The following BBC3 variants were observed in gnomAD, a reference collection of about 807,000 sequenced individuals.
BBC3 encodes bcl-2-binding component 3.
Under a neutral mutation model 18.2 loss-of-function variants are expected in BBC3, and 5 were observed. That is an observed-to-expected ratio of 0.27 (90% CI 0.14 to 0.58). The LOEUF is 0.58. BBC3 is among the 20% of genes least tolerant of loss of function. BBC3 has a pLI of 0.91. For missense variants in BBC3, 224 were observed against 268.9 expected (o/e 0.83, Z 1.17); for synonymous variants, 119 against 128.0 (o/e 0.93, Z 0.47).
intron 3 of BBC3, among the ~76,000 whole-genome samples, chr19:47,224,132 TAAAAATAC>T (rs927839926): frequency 1.2e-3 from 184 of 152,000 alleles, no homozygotes; most frequent in African/African-American, 4.3e-3. Context: ...CCGTCTCTAC[TAAAAATAC>T]AAAAATTAGC....
Position 47,230,845 on chromosome 19 carries a change from G to T in BBC3, c.-16+84C>A, listed in dbSNP as rs1368445074. 6.1e-6 allele frequency: 6 copies of T among 983,720 alleles called. No individual in the cohort carries two copies. The highest frequency in any genetic ancestry group is 1.7e-5 in the African/African-American group (1 of 57,170). 60.9% of individuals were successfully genotyped at this position (983,720 alleles called of 1,614,324 possible). On this transcript the variant is annotated intron_variant, in intron 1 of 3. Transcript: ENST00000439096. This position sits in a 1 kb window ranked among gnomAD's most constrained non-coding sequence, Gnocchi z 6.7. ...AGGCAGGGCGCCCACACTGCTCTCC[G>T]CCTGCACTCCTGTCACCTCCTCCAG...
chr19:47,223,515 C>T (rs944159697), intron 3 of BBC3, among the ~76,000 whole-genome samples: 1 of 151,900 alleles, frequency 6.6e-6, no homozygotes. Context: ...TGCAGTGAGC[C>T]GAGATTGCAC....
chr19:47,226,187 C>T (rs1284167270), intron 3 of BBC3, among the ~76,000 whole-genome samples: 1 of 151,530 alleles, frequency 6.6e-6, no homozygotes, highest in Non-Finnish European at 1.5e-5. Flanking sequence ...GCGAGAGGGA[C>T]GGCAGGGGGC....
In BBC3 at chr19:47,228,212, C is replaced by G. The variant is rs2058862449; in HGVS notation, c.220G>C (p.Gly74Arg). 1 of 1,223,654 alleles carries G rather than the reference C, an allele frequency of 8.2e-7. No individual in the cohort carries two copies. The highest frequency in any genetic ancestry group is 1.6e-5 in the African/African-American group (1 of 63,936). 75.8% of individuals were successfully genotyped at this position (1,223,654 alleles called of 1,614,324 possible). ...APPAVTAALG[G>R]SRWPGGPRSR... is the part of the protein sequence containing the mutation. Reference sequence around the variant, plus strand: ...CGGGGACCCCCAGGCCAGCGGGAACCCCCCAGGGCGGCGGTGACGGCGGGT... The same window carrying G: ...CGGGGACCCCCAGGCCAGCGGGAACGCCCCAGGGCGGCGGTGACGGCGGGT... The change falls in exon 2 of 4, where the codon GGT becomes CGT. Residue 74 changes from glycine to arginine, a missense_variant. Transcript: ENST00000439096. The surrounding 1 kb of genome is among the most constrained non-coding windows in gnomAD (Gnocchi z 5.5).
chr19:47,221,325 C>G lies in BBC3; in HGVS notation c.*477G>C. 5.1e-6 allele frequency: 1 copy of G among 194,196 alleles called. No individual in the cohort carries two copies. The highest frequency in any genetic ancestry group is 9.1e-5 in the South Asian group (1 of 11,026). 12.0% of individuals were successfully genotyped at this position (194,196 alleles called of 1,614,324 possible). A position where few individuals can be genotyped will look rare whatever the true frequency, so the allele number is the denominator to read the frequency against. ...TCTGGCTCCAGGAGGCTAGTGGTCA[C>G]GTTTGGCTCATTTGCTCTTCACGGG... On this transcript the variant is annotated 3_prime_UTR_variant, in exon 4 of 4. Coordinates refer to ENST00000439096, the MANE Select transcript of BBC3 (RefSeq NM_014417.5).
At chr19:47,231,256 G>T (rs1052811332), upstream of BBC3, 28 of 648,616 alleles carry the variant, frequency 4.3e-5, no homozygotes, top group African/African-American at 4.8e-4. This position sits in a 1 kb window ranked among gnomAD's most constrained non-coding sequence, Gnocchi z 4.0. Flanking sequence ...GCCCCGCCCC[G>T]CCCCCGCCCG....
upstream of BBC3, among the ~76,000 whole-genome samples, chr19:47,231,991 C>A (rs537905850): frequency 3.1e-3 from 477 of 152,318 alleles, 2 homozygotes; most frequent in African/African-American, 0.011. This position sits in a 1 kb window ranked among gnomAD's most constrained non-coding sequence, Gnocchi z 4.0. Flanking sequence ...AAATCCAAAT[C>A]ACACTCCCAC....
rs561085568 is a variant in BBC3, at chr19:47,225,307, C to G, written c.465+1257G>C. On this transcript the variant is annotated intron_variant, in intron 3 of 3. Coordinates refer to ENST00000439096, the MANE Select transcript of BBC3 (RefSeq NM_014417.5). The stretch of plus-strand genomic sequence containing the variant: ...AAGTGAGCCACTTGCCTCCGCCTCC[C>G]AAAGGGCTGGGATTACAGGCGTGGG... Among the ~76,000 whole-genome samples the G allele has an allele frequency of 1.1e-4, 16 of 152,280 alleles. 1 individual carries two copies. The highest frequency in any genetic ancestry group is 3.6e-4 in the African/African-American group (15 of 41,562).
At chr19:47,232,669 G>T, upstream of BBC3, 8 of 1,412,354 alleles carry the variant, frequency 5.7e-6, no homozygotes, top group South Asian at 9.3e-5. Context: ...CCCTGCTCTG[G>T]TTTGGTGAGT....
At chr19:47,229,194 C>T (rs2058879092) in intron 1 of BBC3, among the ~76,000 whole-genome samples, 1 of 151,994 alleles carries the variant, frequency 6.6e-6, no homozygotes, top group African/African-American at 2.4e-5. Context: ...CACACACAAG[C>T]TAGGCACTGC....
upstream of BBC3, chr19:47,231,265 C>CCCCCG: frequency 6.5e-6 from 6 of 920,382 alleles, no homozygotes; most frequent in Non-Finnish European, 6.5e-6. The surrounding 1 kb of genome is among the most constrained non-coding windows in gnomAD (Gnocchi z 4.0). Context: ...CGCCCCCGCC[C>CCCCCG]GGCGGGTCCC....
intron 3 of BBC3, among the ~76,000 whole-genome samples, chr19:47,225,769 G>A (rs2058808581): frequency 6.6e-6 from 1 of 152,154 alleles, no homozygotes; most frequent in Non-Finnish European, 1.5e-5. Context: ...GCTAAGCTAA[G>A]AATGCTCCAT....
upstream of BBC3, chr19:47,232,729 T>C: frequency 1.2e-6 from 1 of 824,710 alleles, no homozygotes; most frequent in Non-Finnish European, 1.9e-6. Flanking sequence ...CTCTACACTT[T>C]CCATCCTTAC....
At chr19:47,229,313 C>T (rs1019603194) in intron 1 of BBC3, among the ~76,000 whole-genome samples, 2 of 151,316 alleles carry the variant, frequency 1.3e-5, no homozygotes, top group African/African-American at 4.8e-5. Flanking sequence ...CACGGACACA[C>T]ATACATCAAC....
Position 47,230,831 on chromosome 19 carries a change from C to T in BBC3, c.-16+98G>A, listed in dbSNP as rs1459023171. 53 of 984,872 alleles carry T rather than the reference C, an allele frequency of 5.4e-5. No individual in the cohort carries two copies. The highest frequency in any genetic ancestry group is 6.0e-5 in the Non-Finnish European group (50 of 829,694). The allele number at this position is 984,872 out of a possible 1,614,324, so 61.0% of individuals were successfully genotyped here. A position where few individuals can be genotyped will look rare whatever the true frequency, so the allele number is the denominator to read the frequency against. On this transcript the variant is annotated intron_variant, in intron 1 of 3. Coordinates refer to ENST00000439096, the MANE Select transcript of BBC3 (RefSeq NM_014417.5). This position sits in a 1 kb window ranked among gnomAD's most constrained non-coding sequence, Gnocchi z 6.7. Reference sequence around the variant, plus strand: ...GGCGCGGTGTGGGGAGGCAGGGCGCCCACACTGCTCTCCGCCTGCACTCCT... The same window carrying T: ...GGCGCGGTGTGGGGAGGCAGGGCGCTCACACTGCTCTCCGCCTGCACTCCT...
At chr19:47,231,829 C>T (rs1185705549), upstream of BBC3, among the ~76,000 whole-genome samples, 1 of 152,134 alleles carries the variant, frequency 6.6e-6, no homozygotes, top group Non-Finnish European at 1.5e-5. The surrounding 1 kb of genome is among the most constrained non-coding windows in gnomAD (Gnocchi z 4.0). Flanking sequence ...CACAAACAAC[C>T]CTACCGAACA....
intron 3 of BBC3, among the ~76,000 whole-genome samples, chr19:47,224,720 T>C (rs972020290): frequency 6.6e-6 from 1 of 151,136 alleles, no homozygotes; most frequent in Admixed American, 6.6e-5. Flanking sequence ...TATGTAGCAG[T>C]GAAAATGACT....
In BBC3 at chr19:47,226,663, C is replaced by A. The variant is rs1328900710; in HGVS notation, c.366G>T (p.Ala122=). The change falls in exon 3 of 4, where the codon GCG becomes GCT. Residue 122 remains alanine (A), a synonymous_variant. Coordinates refer to ENST00000439096, the MANE Select transcript of BBC3 (RefSeq NM_014417.5). ...PGALAGGPTQ[A]APGVRGEEEQ... ...CCTCCTCCCCGCGGACTCCCGGGGC[C>A]GCCTGGGTGGGACCGCCCGCCAGAG... 6.6e-7 allele frequency: 1 copy of A among 1,525,758 alleles called. No homozygotes were observed. Among genetic ancestry groups the A allele is most frequent in the South Asian group, 1.2e-5 (1 of 82,142 alleles). 94.5% of individuals were successfully genotyped at this position (1,525,758 alleles called of 1,614,324 possible).
Position 47,226,696 on chromosome 19 carries a change from G to T in BBC3, c.333C>A (p.Ala111=). 1 of 1,480,710 alleles carries T rather than the reference G, an allele frequency of 6.8e-7. No individual in the cohort carries two copies. The allele number at this position is 1,480,710 out of a possible 1,614,324, so 91.7% of individuals were successfully genotyped here. ...TGGGACCGCCCGCCAGAGCCCCCGG[G>T]GCGCTGGGCACGGGCGACTCCAGGT... ...EQHLESPVPS[A]PGALAGGPTQ... The change falls in exon 3 of 4, where the codon GCC becomes GCA. Residue 111 remains alanine (A), a synonymous_variant. Coordinates refer to ENST00000439096, the MANE Select transcript of BBC3 (RefSeq NM_014417.5).
Sources: allele counts gnomAD v4.1 joint callset (sites outside exome capture counted in the v4.1 genomes callset), GRCh38; gene constraint gnomAD v4.1.1; non-coding constraint Gnocchi (gnomAD v3.1); transcripts MANE v1.5; gene names NCBI Gene and HGNC (gene_info 2026-07-23, HGNC 2026-07-21).